Variants in HCRTR2 observed in about 807,000 individuals in gnomAD.
The protein encoded by HCRTR2 is hypocretin receptor 2.
HCRTR2 carries 22 observed loss-of-function variants against 49.0 expected under a neutral mutation model. The ratio of observed to expected loss-of-function variants is 0.45; its 90% CI spans 0.32 to 0.64. The LOEUF (loss-of-function observed/expected upper bound fraction) is 0.64. Ranked by LOEUF, HCRTR2 falls within the 30% of genes least tolerant of loss-of-function variation. The pLI is 0.04. For synonymous variants in HCRTR2, 236 were observed against 205.3 expected (o/e 1.15, Z -1.28); for missense variants, 491 against 559.4 (o/e 0.88, Z 1.23).
At chr6:55,115,273 C>G (rs1299198994) in intron 1 of HCRTR2, among the ~76,000 whole-genome samples, 2 of 151,742 alleles carry the variant, frequency 1.3e-5, no homozygotes, top group Non-Finnish European at 2.9e-5. Flanking sequence ...AGCACAGAAT[C>G]TAGGTGTTGA....
intron 1 of HCRTR2, among the ~76,000 whole-genome samples, chr6:55,166,222 T>C (rs1029248685): frequency 6.6e-6 from 1 of 152,114 alleles, no homozygotes; most frequent in African/African-American, 2.4e-5. Context: ...TGGATTCACT[T>C]TGCTGATATT....
rs779107574 is a variant in HCRTR2, at chr6:55,126,406, GT to G, written c.-378+19864del. ...TTGCTGGAGGTCCACTCCTGACCCT[GT>G]TTGCCTGAGTATCACCAGAGGAGGC... On this transcript the variant is annotated intron_variant, in intron 1 of 7. Coordinates refer to the HCRTR2 transcript ENST00000615358. Among the ~76,000 whole-genome samples the G allele has an allele frequency of 4.6e-5, 7 of 152,288 alleles. No homozygotes were observed. In the East Asian group the frequency reaches 1.2e-3, roughly 25 times the overall value.
At chr6:55,171,625 A>G (rs1023930209), upstream of HCRTR2, among the ~76,000 whole-genome samples, 3 of 152,238 alleles carry the variant, frequency 2.0e-5, no homozygotes, top group Non-Finnish European at 4.4e-5. Flanking sequence ...ACATATTTAG[A>G]AGAAAGCACC....
chr6:55,161,640 A>G (rs1264732586), intron 1 of HCRTR2, among the ~76,000 whole-genome samples: 1 of 152,204 alleles, frequency 6.6e-6, no homozygotes, highest in Non-Finnish European at 1.5e-5. Flanking sequence ...ATAAAAAATG[A>G]TAAAGGGGAG....
intron 3 of HCRTR2, among the ~76,000 whole-genome samples, chr6:55,256,418 C>T (rs1033657989): frequency 6.6e-6 from 1 of 150,970 alleles, no homozygotes; most frequent in South Asian, 2.1e-4. Context: ...ACTAGAACAC[C>T]GAAAGGAAAA....
chr6:55,251,671 C>G (rs1766552842), intron 2 of HCRTR2, among the ~76,000 whole-genome samples: 1 of 152,000 alleles, frequency 6.6e-6, no homozygotes, highest in African/African-American at 2.4e-5. Context: ...GCTTATCATC[C>G]AAATCTGTGA....
Position 55,196,109 on chromosome 6 carries a change from C to T in HCRTR2, c.223+21299C>T, listed in dbSNP as rs570474153. ...ATAGAGATCTGTAATTAATACTTGT[C>T]GATCATTGTTGTTTCTGTCTTCCCA... On this transcript the variant is annotated intron_variant, in intron 1 of 6. Coordinates refer to ENST00000370862, the MANE Select transcript of HCRTR2 (RefSeq NM_001384272.1). Among the ~76,000 whole-genome samples the T allele has an allele frequency of 4.6e-5, 7 of 152,258 alleles. No homozygotes were observed. In the East Asian group the frequency reaches 1.3e-3, roughly 29 times the overall value.
chr6:55,223,882 GTTAT>G (rs1236779160), intron 1 of HCRTR2, among the ~76,000 whole-genome samples: 1 of 152,020 alleles, frequency 6.6e-6, no homozygotes, highest in Non-Finnish European at 1.5e-5. Context: ...ATGCAGGGAA[GTTAT>G]TTATATGCAG....
chr6:55,277,660 C>CTTTTT, intron 5 of HCRTR2, 60 bp downstream of exon 5: 1 of 933,418 alleles, frequency 1.1e-6, no homozygotes, highest in Non-Finnish European at 1.6e-6. Context: ...TCTTAATTAA[C>CTTTTT]TTTTTTTTTT....
intron 4 of HCRTR2, among the ~76,000 whole-genome samples, chr6:55,271,819 A>T (rs2653347): frequency 0.84 from 128,039 of 152,078 alleles, 54,105 homozygotes; most frequent in East Asian, 0.93. Flanking sequence ...AATCATGAGA[A>T]ACCTATTCAC....
At chr6:55,162,468 G>T (rs1253642976) in intron 1 of HCRTR2, among the ~76,000 whole-genome samples, 1 of 152,152 alleles carries the variant, frequency 6.6e-6, no homozygotes, top group Admixed American at 6.5e-5. Context: ...ATTCAACATA[G>T]TGTTGGAAGT....
At chr6:55,173,168 T>G (rs1055755676), upstream of HCRTR2, among the ~76,000 whole-genome samples, 1 of 152,218 alleles carries the variant, frequency 6.6e-6, no homozygotes, top group Non-Finnish European at 1.5e-5. Flanking sequence ...GAAGATTTAT[T>G]CTGTGTAGCA....
chr6:55,182,487 C>T (rs1344632584), intron 1 of HCRTR2, among the ~76,000 whole-genome samples: 4 of 152,118 alleles, frequency 2.6e-5, no homozygotes, highest in Admixed American at 2.6e-4. Context: ...AGCCAGCAGC[C>T]AGAGAGGAAA....
intron 1 of HCRTR2, among the ~76,000 whole-genome samples, chr6:55,132,751 CTTTT>C (rs35184458): frequency 1.4e-5 from 2 of 139,844 alleles, no homozygotes; most frequent in African/African-American, 2.6e-5. Context: ...CTCTCTCTCT[CTTTT>C]TTTTTTTTTT....
chr6:55,108,697 T>G (rs970596117), intron 1 of HCRTR2, among the ~76,000 whole-genome samples: 5 of 152,024 alleles, frequency 3.3e-5, no homozygotes, highest in Non-Finnish European at 7.4e-5. Context: ...TGACTTTATT[T>G]CACAGGTGTC....
intron 1 of HCRTR2, among the ~76,000 whole-genome samples, chr6:55,137,577 G>A (rs1300432282): frequency 2.0e-5 from 3 of 152,104 alleles, no homozygotes; most frequent in Non-Finnish European, 4.4e-5. Flanking sequence ...TTGAACTCAG[G>A]AAACCTGAGA....
intron 1 of HCRTR2, among the ~76,000 whole-genome samples, chr6:55,160,599 G>A (rs1352016206): frequency 1.3e-5 from 2 of 152,122 alleles, no homozygotes; most frequent in African/African-American, 2.4e-5. Context: ...CAATTCATGT[G>A]CAAAGATACA....
At chr6:55,164,786 A>G (rs1764853819) in intron 1 of HCRTR2, among the ~76,000 whole-genome samples, 1 of 151,988 alleles carries the variant, frequency 6.6e-6, no homozygotes, top group South Asian at 2.1e-4. Flanking sequence ...AAAAAAGACC[A>G]TTTATGAAAA....
Position 55,255,375 on chromosome 6 carries a change from G to C in HCRTR2, c.642G>C (p.Trp214Cys), listed in dbSNP as rs1766633190. Residue 214 changes from tryptophan to cysteine, a missense_variant, in exon 3 of 7, where the codon TGG becomes TGC. By Grantham distance (215) the Trp-to-Cys change is radical. Coordinates refer to ENST00000370862, the MANE Select transcript of HCRTR2 (RefSeq NM_001384272.1). Reference sequence around the variant, plus strand: ...TCTTTACGGTGTGTGATGAGCGCTGGGGTGGTAAGTACCTTATGGCCCATC... The same window carrying C: ...TCTTTACGGTGTGTGATGAGCGCTGCGGTGGTAAGTACCTTATGGCCCATC... ...TTLFTVCDER[W>C]GGEIYPKMYH... 3 of 1,613,932 alleles carry C rather than the reference G, an allele frequency of 1.9e-6. No individual in the cohort carries two copies. Among genetic ancestry groups the C allele is most frequent in the Non-Finnish European group, 1.7e-6 (2 of 1,179,924 alleles).
Sources: allele counts gnomAD v4.1 joint callset (sites outside exome capture counted in the v4.1 genomes callset), GRCh38; gene constraint gnomAD v4.1.1; transcripts MANE v1.5; gene names NCBI Gene and HGNC (gene_info 2026-07-23, HGNC 2026-07-21).